Variants in KCNH5 observed in about 807,000 individuals in gnomAD.
KCNH5 encodes voltage-gated delayed rectifier potassium channel KCNH5.
KCNH5 carries 46 observed loss-of-function variants against 96.1 expected under a neutral mutation model. The observed-to-expected ratio is 0.48, with a 90% CI of 0.38 to 0.61. KCNH5 has a LOEUF of 0.61. Among genes scored for constraint, KCNH5 ranks in the 20% least tolerant of loss-of-function variants. KCNH5 has a pLI of 0.00. For missense variants in KCNH5, 907 were observed against 1,225.8 expected, an observed-to-expected ratio of 0.74 and a Z score of 3.88; for synonymous variants, 439 against 449.8, an observed-to-expected ratio of 0.98 and a Z score of 0.30.
intron 6 of KCNH5, among the ~76,000 whole-genome samples, chr14:62,955,121 G>A (rs1420696990): frequency 6.6e-6 from 1 of 151,284 alleles, no homozygotes; most frequent in African/African-American, 2.4e-5. Flanking sequence ...AACTCTATTA[G>A]GAAATGTGAA....
chr14:63,037,361 G>C (rs2139630534), intron 1 of KCNH5, among the ~76,000 whole-genome samples: 2 of 152,182 alleles, frequency 1.3e-5, no homozygotes, highest in Middle Eastern at 6.8e-3. Flanking sequence ...TGTTCATTAT[G>C]AATCCCTAGT....
chr14:62,992,642 T>C (rs557564265), intron 4 of KCNH5, among the ~76,000 whole-genome samples: 7 of 152,130 alleles, frequency 4.6e-5, no homozygotes, highest in Non-Finnish European at 8.8e-5. Flanking sequence ...TATCTATTCA[T>C]GTCCTTTGCC....
intron 7 of KCNH5, among the ~76,000 whole-genome samples, chr14:62,908,782 ATTTTTTT>A (rs71120241): frequency 0.062 from 1,467 of 23,716 alleles, 9 homozygotes; most frequent in Non-Finnish European, 0.081. Context: ...TTTGCTTTGT[ATTTTTTT>A]TTTTTTTTTT....
intron 7 of KCNH5, among the ~76,000 whole-genome samples, chr14:62,852,701 T>A (rs1313045946): frequency 6.6e-6 from 1 of 152,172 alleles, no homozygotes; most frequent in Non-Finnish European, 1.5e-5. Context: ...TTACATATAT[T>A]TTTAAAAAGA....
intron 6 of KCNH5, among the ~76,000 whole-genome samples, chr14:62,966,904 G>A (rs1358249036): frequency 6.6e-6 from 1 of 151,954 alleles, no homozygotes; most frequent in Non-Finnish European, 1.5e-5. Flanking sequence ...AATCCATTCT[G>A]TCCTTTTCTT....
chr14:62,839,174 T>A (rs185351537), intron 8 of KCNH5, among the ~76,000 whole-genome samples: 199 of 152,302 alleles, frequency 1.3e-3, no homozygotes, highest in Middle Eastern at 3.4e-3. Flanking sequence ...TACAAAATCA[T>A]ACAGATAAAT....
At chr14:62,973,764 C>T (rs1393659838) in intron 6 of KCNH5, among the ~76,000 whole-genome samples, 1 of 152,066 alleles carries the variant, frequency 6.6e-6, no homozygotes, top group Non-Finnish European at 1.5e-5. Context: ...CCTAGTTATA[C>T]CACTGAAGTA....
chr14:62,899,220 A>G (rs1453739269), intron 7 of KCNH5, among the ~76,000 whole-genome samples: 1 of 152,194 alleles, frequency 6.6e-6, no homozygotes, highest in Non-Finnish European at 1.5e-5. Flanking sequence ...TTGTATAATA[A>G]CTTACTTTCT....
intron 7 of KCNH5, among the ~76,000 whole-genome samples, chr14:62,883,560 A>T (rs1175610733): frequency 5.3e-5 from 8 of 152,146 alleles, no homozygotes; most frequent in Admixed American, 5.2e-4. Context: ...ATATACAGAA[A>T]GAAAAATTGA....
intron 2 of KCNH5, among the ~76,000 whole-genome samples, chr14:63,013,680 A>G (rs899871445): frequency 1.3e-5 from 2 of 152,098 alleles, no homozygotes; most frequent in Non-Finnish European, 2.9e-5. Flanking sequence ...TTGAGTCATG[A>G]TGCAAACACT....
chr14:62,728,008 T>G (rs1884969710), intron 10 of KCNH5, among the ~76,000 whole-genome samples: 1 of 149,880 alleles, frequency 6.7e-6, no homozygotes, highest in Non-Finnish European at 1.5e-5. Flanking sequence ...GAACCTCTAC[T>G]TCCAGCAGCT....
chr14:62,993,231 C>G (rs1594664116), intron 4 of KCNH5, among the ~76,000 whole-genome samples: 1 of 152,016 alleles, frequency 6.6e-6, no homozygotes, highest in Non-Finnish European at 1.5e-5. Context: ...TGTAATATAA[C>G]TTGAAGTCAG....
chr14:62,879,177 A>G (rs941182154), intron 7 of KCNH5, among the ~76,000 whole-genome samples: 7 of 152,192 alleles, frequency 4.6e-5, no homozygotes, highest in Non-Finnish European at 8.8e-5. Context: ...CTACATGCCA[A>G]TCAGAATGGT....
At chr14:62,912,808 T>C (rs1184978279) in intron 7 of KCNH5, among the ~76,000 whole-genome samples, 1 of 152,214 alleles carries the variant, frequency 6.6e-6, no homozygotes, top group Admixed American at 6.5e-5. Context: ...ACTTTAAGTG[T>C]GGAAAATGAA....
chr14:62,810,264 T>C (rs995065605), intron 8 of KCNH5, among the ~76,000 whole-genome samples: 15 of 152,150 alleles, frequency 9.9e-5, no homozygotes, highest in Admixed American at 7.9e-4. Flanking sequence ...GAGACCCTAA[T>C]AGTTAGGCAG....
At chr14:62,864,597 G>C (rs571462009) in intron 7 of KCNH5, among the ~76,000 whole-genome samples, 1 of 152,170 alleles carries the variant, frequency 6.6e-6, no homozygotes, top group South Asian at 2.1e-4. Context: ...TTTGCAAACT[G>C]TACTCTCTTG....
chr14:62,736,247 A>C (rs2139929857), intron 10 of KCNH5, among the ~76,000 whole-genome samples: 1 of 152,218 alleles, frequency 6.6e-6, no homozygotes, highest in South Asian at 2.1e-4. Flanking sequence ...ACAAGAGCAA[A>C]CCTCTTAAAC....
chr14:63,018,485 G>A (rs557271426), intron 1 of KCNH5, among the ~76,000 whole-genome samples: 2 of 152,110 alleles, frequency 1.3e-5, no homozygotes, highest in African/African-American at 4.8e-5. Flanking sequence ...AATTTCACCA[G>A]CTCCCCGAAG....
intron 7 of KCNH5, among the ~76,000 whole-genome samples, chr14:62,915,983 C>A (rs1889266657): frequency 1.5e-5 from 2 of 134,912 alleles, no homozygotes; most frequent in Non-Finnish European, 3.1e-5. Context: ...GAGATGGAGT[C>A]TCGCTTTGTC....
Sources: allele counts gnomAD v4.1 joint callset (sites outside exome capture counted in the v4.1 genomes callset), GRCh38; gene constraint gnomAD v4.1.1; transcripts MANE v1.5; gene names NCBI Gene and HGNC (gene_info 2026-07-23, HGNC 2026-07-21).